PLCB1: variants seen among roughly 807,000 people sequenced by gnomAD.
The protein encoded by PLCB1 is phospholipase C beta 1.
PLCB1 carries 46 observed loss-of-function variants against 161.8 expected under a neutral mutation model. That is an observed-to-expected ratio of 0.28 (90% CI 0.22 to 0.36). The LOEUF (loss-of-function observed/expected upper bound fraction) is 0.36. Ranked by LOEUF, PLCB1 falls within the 10% of genes least tolerant of loss-of-function variation. The pLI is 1.00. For synonymous variants in PLCB1, 517 were observed against 503.7 expected (o/e 1.03, Z -0.35); for missense variants, 1,016 against 1,472.5 (o/e 0.69, Z 5.07).
chr20:8,840,854 G>T (rs1287605304), intron 31 of PLCB1, among the ~76,000 whole-genome samples: 2 of 151,970 alleles, frequency 1.3e-5, no homozygotes, highest in Non-Finnish European at 2.9e-5. Context: ...TTTTGCTCTT[G>T]TCACCCAGCT....
At chr20:8,367,943 G>T (rs531431750) in intron 2 of PLCB1, among the ~76,000 whole-genome samples, 18 of 152,272 alleles carry the variant, frequency 1.2e-4, no homozygotes, top group African/African-American at 3.4e-4. Flanking sequence ...GTAGCCAAAT[G>T]AGTTCATGGA....
chr20:8,506,167 T>C (rs1013729688), intron 3 of PLCB1, among the ~76,000 whole-genome samples: 3 of 152,214 alleles, frequency 2.0e-5, no homozygotes. Context: ...CTTTCTTTGG[T>C]TTGCAAGAAT....
rs192524728 is a variant in PLCB1 at position 8,841,750 on chromosome 20, A to G, written c.3424-39872A>G. 7.2e-4 allele frequency among the ~76,000 whole-genome samples: 109 copies of G among 152,336 alleles called. 1 individual carries two copies. The highest frequency in any genetic ancestry group is 2.5e-3 in the African/African-American group (102 of 41,584). ...GCAGGTCACAGTTTCTGTTGGTTGT[A>G]TTTGTGTCAGGGAGCTGTCAGACTC... On this transcript the variant is annotated intron_variant, in intron 31 of 31. Transcript: ENST00000338037.
chr20:8,382,748 C>T (rs917180891), intron 3 of PLCB1, among the ~76,000 whole-genome samples: 18 of 151,954 alleles, frequency 1.2e-4, no homozygotes, highest in Non-Finnish European at 2.4e-4. Context: ...GGGGTTTCAC[C>T]ATGTTAGCCA....
chr20:8,159,425 C>G (rs1042045878), intron 2 of PLCB1, among the ~76,000 whole-genome samples: 1 of 152,140 alleles, frequency 6.6e-6, no homozygotes, highest in Non-Finnish European at 1.5e-5. Flanking sequence ...TCCTAGGCCT[C>G]TGGGCCTATG....
chr20:8,302,936 T>C (rs182811680), intron 2 of PLCB1, among the ~76,000 whole-genome samples: 6 of 152,234 alleles, frequency 3.9e-5, no homozygotes, highest in Non-Finnish European at 8.8e-5. Flanking sequence ...TATAATAAGA[T>C]TGAAGATGAA....
intron 31 of PLCB1, among the ~76,000 whole-genome samples, chr20:8,877,726 G>GTATT (rs1279272746): frequency 6.6e-6 from 1 of 152,156 alleles, no homozygotes; most frequent in African/African-American, 2.4e-5. Flanking sequence ...CAATGAACAA[G>GTATT]TATTTAGTTT....
chr20:8,406,901 T>C (rs939017088), intron 3 of PLCB1, among the ~76,000 whole-genome samples: 1 of 152,176 alleles, frequency 6.6e-6, no homozygotes, highest in Non-Finnish European at 1.5e-5. Flanking sequence ...TGGGAACTTA[T>C]AATGAATATT....
chr20:8,437,643 C>T, intron 3 of PLCB1, among the ~76,000 whole-genome samples: 1 of 152,016 alleles, frequency 6.6e-6, no homozygotes, highest in Non-Finnish European at 1.5e-5. Flanking sequence ...GTGTTTATTT[C>T]TACCATTATT....
intron 3 of PLCB1, among the ~76,000 whole-genome samples, chr20:8,575,377 C>G (rs1213871071): frequency 6.6e-6 from 1 of 152,186 alleles, no homozygotes; most frequent in Non-Finnish European, 1.5e-5. Context: ...TTTCCCTTCA[C>G]CGTGGAAGAT....
At chr20:8,543,791 A>T (rs1359999912) in intron 3 of PLCB1, among the ~76,000 whole-genome samples, 1 of 152,130 alleles carries the variant, frequency 6.6e-6, no homozygotes, top group East Asian at 1.9e-4. Context: ...ATAGTGAGTG[A>T]CTTCTCACAA....
chr20:8,852,086 T>C (rs1986909106), intron 31 of PLCB1, among the ~76,000 whole-genome samples: 1 of 152,230 alleles, frequency 6.6e-6, no homozygotes, highest in African/African-American at 2.4e-5. Flanking sequence ...TTATATAAAG[T>C]TGCAAAATAG....
intron 4 of PLCB1, among the ~76,000 whole-genome samples, chr20:8,635,004 C>T (rs7262537): frequency 0.03 from 4,577 of 152,204 alleles, 223 homozygotes; most frequent in African/African-American, 0.1. Flanking sequence ...GACTCAGCAT[C>T]AACTCAGTTC....
intron 13 of PLCB1, among the ~76,000 whole-genome samples, chr20:8,716,819 A>G (rs1409899816): frequency 1.3e-5 from 2 of 152,148 alleles, no homozygotes; most frequent in Admixed American, 6.5e-5. Context: ...CATTGATGAT[A>G]TCTCTGCTTT....
At position 8,814,056 on chromosome 20, in the gene PLCB1, T is replaced by C. The variant is rs1984960868; in HGVS notation, c.3423+23795T>C. 2.0e-5 allele frequency among the ~76,000 whole-genome samples: 3 copies of C among 152,198 alleles called. 1 individual carries two copies. In the South Asian group the frequency reaches 6.2e-4, roughly 31 times the overall value. On this transcript the variant is annotated intron_variant, in intron 31 of 31. Coordinates refer to ENST00000338037, the MANE Select transcript of PLCB1 (RefSeq NM_015192.4). Reference sequence around the variant, plus strand: ...GGGGTTCAGCTGGGAGTTTTAGAAATGACTTTTTCTTTTTATTTAAATTTT... The same window carrying C: ...GGGGTTCAGCTGGGAGTTTTAGAAACGACTTTTTCTTTTTATTTAAATTTT...
chr20:8,450,721 T>C (rs1306993549), intron 3 of PLCB1, among the ~76,000 whole-genome samples: 3 of 152,222 alleles, frequency 2.0e-5, no homozygotes, highest in Non-Finnish European at 4.4e-5. Context: ...GTATACTTTG[T>C]AGATTTTATT....
At chr20:8,746,299 C>T (rs1981168087) in intron 23 of PLCB1, among the ~76,000 whole-genome samples, 2 of 152,030 alleles carry the variant, frequency 1.3e-5, no homozygotes, top group South Asian at 4.2e-4. Flanking sequence ...TACAGAGATG[C>T]CTAGTGAAAT....
intron 3 of PLCB1, among the ~76,000 whole-genome samples, chr20:8,457,704 ATG>A (rs1403874428): frequency 1.6e-5 from 2 of 121,254 alleles, no homozygotes; most frequent in Admixed American, 8.8e-5. Flanking sequence ...TATACCCCTA[ATG>A]TGTGCGCGCA....
At chr20:8,308,751 G>A (rs1407211322) in intron 2 of PLCB1, among the ~76,000 whole-genome samples, 2 of 151,922 alleles carry the variant, frequency 1.3e-5, no homozygotes, top group Non-Finnish European at 2.9e-5. Context: ...TTGGACCCAG[G>A]TAGCGTCCAT....
Sources: allele counts gnomAD v4.1 joint callset (sites outside exome capture counted in the v4.1 genomes callset), GRCh38; gene constraint gnomAD v4.1.1; transcripts MANE v1.5; gene names NCBI Gene and HGNC (gene_info 2026-07-23, HGNC 2026-07-21).